Variants in SOX5 observed in about 807,000 individuals in gnomAD.
SOX5 encodes the protein transcription factor SOX-5.
SOX5 carries 9 observed loss-of-function variants against 92.0 expected under a neutral mutation model. The observed-to-expected ratio is 0.10, with a 90% CI of 0.06 to 0.17. The LOEUF (loss-of-function observed/expected upper bound fraction) is 0.17, where lower values mean the gene tolerates loss of function less well. Among genes scored for constraint, SOX5 ranks in the 10% least tolerant of loss-of-function variants. The pLI, the probability that SOX5 is intolerant of heterozygous loss-of-function variation, is 1.00. For missense variants in SOX5, 642 were observed against 944.5 expected (o/e 0.68, Z 4.20); for synonymous variants, 344 against 336.3 (o/e 1.02, Z -0.25).
At chr12:24,176,635 TGA>T (rs1486756296) in intron 4 of SOX5, among the ~76,000 whole-genome samples, 1 of 152,184 alleles carries the variant, frequency 6.6e-6, no homozygotes, top group Non-Finnish European at 1.5e-5. Context: ...AAAGAGGGTT[TGA>T]GTTTAAATGA....
chr12:23,814,682 G>A (rs2095950463), intron 3 of SOX5, among the ~76,000 whole-genome samples: 1 of 152,086 alleles, frequency 6.6e-6, no homozygotes, highest in African/African-American at 2.4e-5. Context: ...AGAAAAACTG[G>A]GAAAGATTAT....
At chr12:24,489,307 A>C (rs1946820131) in intron 1 of SOX5, among the ~76,000 whole-genome samples, 1 of 152,206 alleles carries the variant, frequency 6.6e-6, no homozygotes. Context: ...TATTGGACTG[A>C]AGAGGGGGCA....
At chr12:24,252,724 C>T (rs530186992) in intron 3 of SOX5, among the ~76,000 whole-genome samples, 95 of 151,872 alleles carry the variant, frequency 6.3e-4, no homozygotes, top group Middle Eastern at 3.4e-3. Flanking sequence ...GACCATAACC[C>T]GAGGCCCCAG....
chr12:24,093,108 G>T (rs1206941004), intron 4 of SOX5, among the ~76,000 whole-genome samples: 1 of 152,130 alleles, frequency 6.6e-6, no homozygotes, highest in Non-Finnish European at 1.5e-5. Context: ...TTTCGGAGTG[G>T]TCTATTAATC....
chr12:24,072,315 T>A (rs937423187), intron 4 of SOX5, among the ~76,000 whole-genome samples: 1 of 152,212 alleles, frequency 6.6e-6, no homozygotes, highest in Non-Finnish European at 1.5e-5. Flanking sequence ...TTAAAATGTG[T>A]GCTCCTAAAA....
At chr12:23,956,687 T>TC (rs1374156260) in intron 4 of SOX5, among the ~76,000 whole-genome samples, 2 of 151,738 alleles carry the variant, frequency 1.3e-5, no homozygotes, top group Admixed American at 1.3e-4. Flanking sequence ...CCTAAGTCTT[T>TC]TTTTTTTAAG....
At chr12:24,370,505 G>A (rs1956624994) in intron 1 of SOX5, among the ~76,000 whole-genome samples, 2 of 139,176 alleles carry the variant, frequency 1.4e-5, no homozygotes, top group Non-Finnish European at 3.1e-5. Context: ...AGATGTATTG[G>A]TTTTGGCCAG....
chr12:23,810,637 G>C (rs369761449), intron 3 of SOX5, among the ~76,000 whole-genome samples: 1 of 152,180 alleles, frequency 6.6e-6, no homozygotes, highest in East Asian at 1.9e-4. Flanking sequence ...GGACAGAGGG[G>C]CTTCAGAGGA....
chr12:23,562,692 A>T (rs140712120), intron 11 of SOX5, among the ~76,000 whole-genome samples: 1 of 152,340 alleles, frequency 6.6e-6, no homozygotes, highest in African/African-American at 2.4e-5. Flanking sequence ...AGACAAATTC[A>T]GAAGTTTCAC....
intron 4 of SOX5, among the ~76,000 whole-genome samples, chr12:24,082,768 T>C (rs947306331): frequency 1.3e-5 from 2 of 151,882 alleles, no homozygotes; most frequent in South Asian, 2.1e-4. Flanking sequence ...TTTTCTTCTC[T>C]TTAATTCAGG....
intron 4 of SOX5, among the ~76,000 whole-genome samples, chr12:24,146,492 G>A (rs962280072): frequency 1.3e-5 from 2 of 151,564 alleles, no homozygotes; most frequent in African/African-American, 4.8e-5. Context: ...CAATAATGAG[G>A]GAATAACTAG....
intron 1 of SOX5, among the ~76,000 whole-genome samples, chr12:24,483,387 T>C (rs2137835987): frequency 6.6e-6 from 1 of 152,282 alleles, no homozygotes; most frequent in East Asian, 1.9e-4. Context: ...AACTAAACCT[T>C]GTTTTGGGCA....
rs185658237 is a variant in SOX5, at chr12:23,693,488, T to C, written c.811-27924A>G. 2.0e-5 allele frequency among the ~76,000 whole-genome samples: 3 copies of C among 152,304 alleles called. No individual in the cohort carries two copies. In the East Asian group the frequency reaches 5.8e-4, roughly 29 times the overall value. ...AGCTATAAATAGTTACATCAAGTAC[T>C]TACATATTTTGAACTTGTTTCTACC... On this transcript the variant is annotated intron_variant, in intron 6 of 14. Coordinates refer to ENST00000451604, the MANE Select transcript of SOX5 (RefSeq NM_006940.6).
At chr12:24,282,066 A>G (rs948274878) in intron 2 of SOX5, among the ~76,000 whole-genome samples, 5 of 152,126 alleles carry the variant, frequency 3.3e-5, no homozygotes, top group African/African-American at 1.2e-4. Flanking sequence ...AGGAGGAGCT[A>G]CAGAGACTCA....
At chr12:24,070,640 T>C (rs921238937) in intron 4 of SOX5, among the ~76,000 whole-genome samples, 3 of 151,738 alleles carry the variant, frequency 2.0e-5, no homozygotes, top group East Asian at 1.9e-4. Flanking sequence ...ATTAGAAAAA[T>C]AGTATTATCA....
chr12:24,416,561 A>C (rs1035378925), intron 1 of SOX5, among the ~76,000 whole-genome samples: 7 of 152,216 alleles, frequency 4.6e-5, no homozygotes, highest in Non-Finnish European at 1.0e-4. Context: ...TCACTCAACT[A>C]ATGTAAAAAT....
At chr12:23,825,723 A>G (rs2096219426) in intron 3 of SOX5, among the ~76,000 whole-genome samples, 1 of 152,216 alleles carries the variant, frequency 6.6e-6, no homozygotes, top group Non-Finnish European at 1.5e-5. Flanking sequence ...CAACAAATAG[A>G]TAATATTTTA....
chr12:24,021,476 T>G (rs1954278575), intron 4 of SOX5, among the ~76,000 whole-genome samples: 2 of 152,170 alleles, frequency 1.3e-5, no homozygotes, highest in South Asian at 4.1e-4. Context: ...CTTTTCACCT[T>G]GTCCACACCA....
intron 1 of SOX5, among the ~76,000 whole-genome samples, chr12:23,902,981 C>T (rs570329245): frequency 1.4e-4 from 21 of 152,156 alleles, no homozygotes; most frequent in East Asian, 5.8e-4. Context: ...AAATAAAACA[C>T]GGCAACTAAG....
Sources: gnomAD v4.1 joint callset for allele counts (sites outside exome capture counted in the v4.1 genomes callset) on GRCh38, gnomAD v4.1.1 for gene constraint, MANE v1.5 for transcripts, NCBI Gene and HGNC (gene_info 2026-07-23, HGNC 2026-07-21) for gene names.